The following HOGA1 variants were observed in gnomAD, a reference collection of about 807,000 sequenced individuals.
The protein encoded by HOGA1 is 4-hydroxy-2-oxoglutarate aldolase 1, also known as 4-hydroxy-2-oxoglutarate aldolase, mitochondrial.
Under a neutral mutation model 34.3 loss-of-function variants are expected in HOGA1, and 30 were observed. The observed-to-expected ratio is 0.87, with a 90% confidence interval of 0.65 to 1.19. The LOEUF (loss-of-function observed/expected upper bound fraction) is 1.19, where lower values mean the gene tolerates loss of function less well. Ranked by LOEUF, HOGA1 falls within the 50% of genes most tolerant of loss-of-function variation. The probability of loss-of-function intolerance (pLI) is 0.00; values close to 1 mark genes in which losing one functional copy is unlikely to be tolerated. For synonymous variants in HOGA1, 161 were observed against 174.0 expected (o/e 0.93, Z 0.59); for missense variants, 417 against 436.5 (o/e 0.96, Z 0.40).
rs2135711333 is a variant in HOGA1 at position 97,584,814 on chromosome 10, T to C, written c.111T>C (p.Gly37=). ...SGEGKKVDIA[G]IYPPVTTPFT... is the part of the protein sequence containing the mutation. ...AGGGGAAGAAGGTGGACATTGCGGG[T>C]ATCTACCCCCCTGTGACCACCCCCT... is the stretch of plus-strand genomic sequence containing the variant. The change falls in exon 1 of 7, where the codon GGT becomes GGC. Residue 37 remains glycine (G), a synonymous_variant. Transcript: ENST00000370646. 2 of 1,613,900 alleles carry C rather than the reference T, an allele frequency of 1.2e-6. No homozygotes were observed. Among genetic ancestry groups the C allele is most frequent in the Non-Finnish European group, 1.7e-6 (2 of 1,179,896 alleles).
chr10:97,602,470 A>G, intron 6 of HOGA1: 1 of 985,438 alleles, frequency 1.0e-6, no homozygotes, highest in Non-Finnish European at 1.2e-6. Flanking sequence ...GTCAGACTGT[A>G]TACCCCAATT....
rs149571239 is a variant in HOGA1 at position 97,603,651 on chromosome 10, C to T, written c.834+1661C>T. On this transcript the variant is annotated intron_variant, in intron 6 of 6. Transcript: ENST00000370646. The surrounding 1 kb of genome is among the most constrained non-coding windows in gnomAD (Gnocchi z 4.5). ...CAATATTGGCTCACTGCAACCTCTGCCCCCGGGTTCAAGCAATTCTCCTGC... is the reference window on the plus strand; with the variant it reads ...CAATATTGGCTCACTGCAACCTCTGTCCCCGGGTTCAAGCAATTCTCCTGC... 1.2e-3 allele frequency among the ~76,000 whole-genome samples: 184 copies of T among 152,136 alleles called. 1 individual carries two copies. The highest frequency in any genetic ancestry group is 4.3e-3 in the African/African-American group (180 of 41,482).
At chr10:97,595,886 C>G (rs2041066836) in intron 1 of HOGA1, among the ~76,000 whole-genome samples, 1 of 152,140 alleles carries the variant, frequency 6.6e-6, no homozygotes, top group African/African-American at 2.4e-5. Context: ...CTGGCCCCCT[C>G]TCTACACTAA....
chr10:97,598,686 A>T, intron 1 of HOGA1, 89 bp from the exon 2 acceptor site: 1 of 1,506,366 alleles, frequency 6.6e-7, no homozygotes, highest in Non-Finnish European at 9.2e-7. Flanking sequence ...GAAATGTGTG[A>T]AAGATTATGG....
At position 97,608,390 on chromosome 10, in the gene HOGA1, A is replaced by G. The variant is rs191243960; in HGVS notation, c.835-3120A>G. Among the ~76,000 whole-genome samples the G allele has an allele frequency of 2.2e-4, 34 of 152,368 alleles. 1 individual carries two copies. The East Asian group carries it at 6.2e-3, about 28-fold the overall frequency. On this transcript the variant is annotated intron_variant, in intron 6 of 6. Transcript: ENST00000370646. Reference sequence around the variant, plus strand: ...ATACATGGGGCACACATGATTACTTATGCATGAGCCTTCTATATGGTGGGG... The same window carrying G: ...ATACATGGGGCACACATGATTACTTGTGCATGAGCCTTCTATATGGTGGGG...
intron 1 of HOGA1, among the ~76,000 whole-genome samples, chr10:97,589,159 C>G (rs2040997336): frequency 6.6e-6 from 1 of 152,140 alleles, no homozygotes; most frequent in South Asian, 2.1e-4. Context: ...CCTCTCCACC[C>G]TCAGCCCATT....
At chr10:97,589,001 C>T (rs761811870) in intron 1 of HOGA1, among the ~76,000 whole-genome samples, 8 of 152,140 alleles carry the variant, frequency 5.3e-5, no homozygotes, top group Non-Finnish European at 8.8e-5. Context: ...GCTCACAACC[C>T]GAACCATGCC....
intron 5 of HOGA1, chr10:97,600,517 TA>T (rs1211034844): frequency 5.3e-6 from 2 of 379,998 alleles, no homozygotes; most frequent in East Asian, 1.3e-4. Context: ...CCCTCCTCTG[TA>T]GTTCAGGAGT....
At chr10:97,588,721 T>C (rs986706076) in intron 1 of HOGA1, among the ~76,000 whole-genome samples, 1 of 152,256 alleles carries the variant, frequency 6.6e-6, no homozygotes, top group Non-Finnish European at 1.5e-5. Context: ...ATTCCTTCCA[T>C]ACATAGAGTG....
At position 97,599,936 on chromosome 10, in the gene HOGA1, T is replaced by C. The variant is rs531340036; in HGVS notation, c.603+122T>C. The C allele has an allele frequency of 1.2e-4, 189 of 1,525,226 alleles. No individual in the cohort carries two copies. The African/African-American group carries it at 2.5e-3, about 20-fold the overall frequency. 94.5% of individuals were successfully genotyped at this position (1,525,226 alleles called of 1,614,324 possible). A position where few individuals can be genotyped will look rare whatever the true frequency, so the allele number is the denominator to read the frequency against. Reference sequence around the variant, plus strand: ...TTGGCTTCTGTGTGGATTCTCTCTGTCGTGCGGGCTCTCTGGGACTTTCTT... The same window carrying C: ...TTGGCTTCTGTGTGGATTCTCTCTGCCGTGCGGGCTCTCTGGGACTTTCTT... On this transcript the variant is annotated intron_variant, in intron 4 of 6. Coordinates refer to ENST00000370646, the MANE Select transcript of HOGA1 (RefSeq NM_138413.4).
At chr10:97,609,072 G>C (rs1564761928) in intron 6 of HOGA1, among the ~76,000 whole-genome samples, 1 of 152,154 alleles carries the variant, frequency 6.6e-6, no homozygotes, top group South Asian at 2.1e-4. Flanking sequence ...TGGAGGTGAA[G>C]GTGCTTCTGA....
chr10:97,585,129 C>T (rs2040958220), intron 1 of HOGA1, among the ~76,000 whole-genome samples: 1 of 152,198 alleles, frequency 6.6e-6, no homozygotes, highest in African/African-American at 2.4e-5. Flanking sequence ...CTAAACCTCA[C>T]CTGCTTCAGT....
At chr10:97,595,691 T>C (rs1035803334) in intron 1 of HOGA1, among the ~76,000 whole-genome samples, 5 of 152,206 alleles carry the variant, frequency 3.3e-5, no homozygotes, top group African/African-American at 4.8e-5. Flanking sequence ...TGAGACTCTG[T>C]CTCAAAACAA....
intron 1 of HOGA1, among the ~76,000 whole-genome samples, chr10:97,596,407 G>T (rs1030724325): frequency 2.6e-5 from 4 of 152,226 alleles, no homozygotes; most frequent in Non-Finnish European, 5.9e-5. Context: ...AGCCCAGGAC[G>T]GCAGGCAGGG....
At position 97,611,768 on chromosome 10, in the gene HOGA1, C is replaced by T. The variant is rs534886813; in HGVS notation, c.*109C>T. 3.2e-5 allele frequency: 43 copies of T among 1,347,710 alleles called. No individual in the cohort carries two copies. Among genetic ancestry groups the T allele is most frequent in the Middle Eastern group, 4.9e-4 (2 of 4,106 alleles). 83.5% of individuals were successfully genotyped at this position (1,347,710 alleles called of 1,614,324 possible). ...ATGAGGGTGGCAGGCAGCGGGGAGC[C>T]GATAGAGGCTCCTTTGCCTGCTGTG... On this transcript the variant is annotated 3_prime_UTR_variant, in exon 7 of 7. Coordinates refer to ENST00000370646, the MANE Select transcript of HOGA1 (RefSeq NM_138413.4).
rs1589914399 is a variant in HOGA1 at position 97,611,922 on chromosome 10, A to G, written c.*263A>G. ...CTGGGAAGGAGCAATTTCTCAATTTATCTTTCTACTGTGGATGCTTTCCTA... is the reference window on the plus strand; with the variant it reads ...CTGGGAAGGAGCAATTTCTCAATTTGTCTTTCTACTGTGGATGCTTTCCTA... On this transcript the variant is annotated 3_prime_UTR_variant, in exon 7 of 7. Coordinates refer to ENST00000370646, the MANE Select transcript of HOGA1 (RefSeq NM_138413.4). 1 of 523,742 alleles carries G rather than the reference A, an allele frequency of 1.9e-6. No individual in the cohort carries two copies. The highest frequency in any genetic ancestry group is 3.4e-6 in the Non-Finnish European group (1 of 292,116). The allele number at this position is 523,742 out of a possible 1,614,324, so 32.4% of individuals were successfully genotyped here. A position where few individuals can be genotyped will look rare whatever the true frequency, so the allele number is the denominator to read the frequency against.
At chr10:97,590,438 A>G in intron 1 of HOGA1, 3 of 1,614,010 alleles carry the variant, frequency 1.9e-6, no homozygotes, top group Non-Finnish European at 2.5e-6. Context: ...GCTGCAAAAG[A>G]ATTTCCTCAC....
At chr10:97,611,348 A>G (rs771289162) in intron 6 of HOGA1, among the ~76,000 whole-genome samples, 162 bp from the exon 7 acceptor site, 5 of 152,328 alleles carry the variant, frequency 3.3e-5, no homozygotes, top group South Asian at 2.1e-4. Context: ...TCTGGTCTCT[A>G]AATCTGGATT....
intron 3 of HOGA1, 70 bp downstream of exon 3, chr10:97,599,286 G>A: frequency 6.3e-7 from 1 of 1,584,164 alleles, no homozygotes; most frequent in Non-Finnish European, 8.7e-7. Context: ...CTGGGAATAG[G>A]GTGGTGCTTC....
Sources: gnomAD v4.1 joint callset for allele counts (sites outside exome capture counted in the v4.1 genomes callset) on GRCh38, gnomAD v4.1.1 for gene constraint, Gnocchi (gnomAD v3.1) non-coding constraint, MANE v1.5 for transcripts, NCBI Gene and HGNC (gene_info 2026-07-23, HGNC 2026-07-21) for gene names.